VPS35L: variants seen among roughly 807,000 people sequenced by gnomAD.
VPS35L encodes the protein VPS35 endosomal protein sorting factor like, also known as VPS35 endosomal protein-sorting factor-like.
Under a neutral mutation model 133.0 loss-of-function variants are expected in VPS35L, and 83 were observed. The observed-to-expected ratio is 0.62, with a 90% confidence interval of 0.52 to 0.75. The LOEUF (loss-of-function observed/expected upper bound fraction) is 0.75. Among genes scored for constraint, VPS35L ranks in the 30% least tolerant of loss-of-function variants. The pLI is 0.00. For synonymous variants in VPS35L, 423 were observed against 449.9 expected, an observed-to-expected ratio of 0.94 and a Z score of 0.76; for missense variants, 1,083 against 1,206.8, an observed-to-expected ratio of 0.90 and a Z score of 1.52.
intron 29 of VPS35L, among the ~76,000 whole-genome samples, chr16:19,696,329 G>T (rs1049672062): frequency 2.0e-5 from 3 of 152,302 alleles, no homozygotes; most frequent in South Asian, 2.1e-4. Flanking sequence ...CCCACTGAGT[G>T]GGGTGGGCGG....
At chr16:19,629,853 A>C in intron 18 of VPS35L, 33 bp downstream of exon 18, 1 of 1,601,586 alleles carries the variant, frequency 6.2e-7, no homozygotes, top group Non-Finnish European at 8.6e-7. Context: ...TTTTGAAAGA[A>C]TTAGATTTTT....
intron 29 of VPS35L, among the ~76,000 whole-genome samples, chr16:19,697,830 G>C (rs1043647855): frequency 6.6e-6 from 1 of 152,200 alleles, no homozygotes; most frequent in Non-Finnish European, 1.5e-5. Flanking sequence ...CCTGGAGAGG[G>C]CTGTGAGTAC....
intron 27 of VPS35L, among the ~76,000 whole-genome samples, chr16:19,674,955 C>CTTTT (rs566657093): frequency 3.5e-5 from 5 of 142,828 alleles, no homozygotes; most frequent in Admixed American, 7.1e-5. Flanking sequence ...TCTTTTCTTT[C>CTTTT]TTTTTTTTTT....
At chr16:19,572,233 C>T (rs1567390005) in intron 3 of VPS35L, among the ~76,000 whole-genome samples, 4 of 152,130 alleles carry the variant, frequency 2.6e-5, no homozygotes, top group Admixed American at 1.3e-4. Context: ...GCCGGACCAA[C>T]GTGGTGAAAC....
In VPS35L at chr16:19,573,215, T is replaced by G; in HGVS notation, c.382T>G (p.Tyr128Asp). Residue 128 changes from tyrosine (Y) to aspartate (D), a missense_variant, in exon 4 of 31, where the codon TAC becomes GAC. Physicochemically the swap from Tyr to Asp is radical, Grantham distance 160. Transcript: ENST00000417362. ...CAAACGGGGAGAAATCCTTGCCCGG[T>G]ACACCACTACCGAAAAGCTGTCTAT... ...TNKRGEILAR[Y>D]TTTEKLSINL... The G allele has an allele frequency of 6.2e-7, 1 of 1,613,982 alleles. No homozygotes were observed.
chr16:19,694,969 G>C (rs990698817), intron 29 of VPS35L, among the ~76,000 whole-genome samples: 3 of 150,744 alleles, frequency 2.0e-5, no homozygotes, highest in Admixed American at 1.3e-4. Context: ...TCACGCCACT[G>C]CACTCCAGCC....
intron 29 of VPS35L, among the ~76,000 whole-genome samples, chr16:19,692,699 G>A (rs910680581): frequency 3.3e-5 from 5 of 152,072 alleles, no homozygotes; most frequent in Non-Finnish European, 7.4e-5. Context: ...AAGTAGCTGG[G>A]ATTCAGGTGC....
chr16:19,600,127 G>A (rs1181158578), intron 8 of VPS35L, among the ~76,000 whole-genome samples: 2 of 152,122 alleles, frequency 1.3e-5, no homozygotes, highest in Non-Finnish European at 2.9e-5. Flanking sequence ...CTCTTAGCTT[G>A]GCTGGCTTCC....
chr16:19,618,499 G>A (rs920748910), intron 14 of VPS35L, among the ~76,000 whole-genome samples: 1 of 152,164 alleles, frequency 6.6e-6, no homozygotes. Flanking sequence ...ACTGACGTAA[G>A]GGTATTCATG....
chr16:19,651,947 T>C (rs875648), intron 25 of VPS35L, 29 bp from the exon 26 acceptor site: 567,595 of 1,466,074 alleles, frequency 0.39, 117,720 homozygotes, highest in African/African-American at 0.79. Context: ...GTTGCACTGC[T>C]AGCGTTAATG....
At chr16:19,586,370 G>A (rs889960269) in intron 7 of VPS35L, among the ~76,000 whole-genome samples, 24 of 151,806 alleles carry the variant, frequency 1.6e-4, no homozygotes, top group African/African-American at 5.6e-4. Context: ...ACAGAGTTTC[G>A]CTCTCGTTGC....
At chr16:19,635,947 G>T (rs990244306) in intron 19 of VPS35L, among the ~76,000 whole-genome samples, 1 of 152,210 alleles carries the variant, frequency 6.6e-6, no homozygotes, top group African/African-American at 2.4e-5. Context: ...ACTTTGGGAA[G>T]CCAAGATGGG....
intron 7 of VPS35L, chr16:19,581,942 A>G: frequency 2.9e-6 from 1 of 345,866 alleles, no homozygotes. Context: ...TGTGCAGTAC[A>G]TTAACCATGG....
At chr16:19,693,214 A>G (rs1475711718) in intron 29 of VPS35L, among the ~76,000 whole-genome samples, 1 of 152,080 alleles carries the variant, frequency 6.6e-6, no homozygotes, top group African/African-American at 2.4e-5. Flanking sequence ...CAAACCCGTG[A>G]GTATCAGACG....
At chr16:19,601,400 TG>T (rs1972378787) in intron 8 of VPS35L, among the ~76,000 whole-genome samples, 1 of 152,064 alleles carries the variant, frequency 6.6e-6, no homozygotes, top group African/African-American at 2.4e-5. Flanking sequence ...TCTGAGTGGA[TG>T]GAGATACTTG....
At chr16:19,676,669 C>T (rs1975073083) in intron 27 of VPS35L, among the ~76,000 whole-genome samples, 1 of 152,090 alleles carries the variant, frequency 6.6e-6, no homozygotes, top group Non-Finnish European at 1.5e-5. Flanking sequence ...TCCTACTTAT[C>T]CTGGAGAAAA....
At chr16:19,569,239 G>C (rs780786998) in intron 2 of VPS35L, 185 bp from the exon 3 acceptor site, 13 of 751,012 alleles carry the variant, frequency 1.7e-5, no homozygotes, top group Non-Finnish European at 2.8e-5. Flanking sequence ...TCCCTTCCTT[G>C]ACAGTTGTGA....
intron 8 of VPS35L, among the ~76,000 whole-genome samples, chr16:19,597,600 C>T (rs565126653): frequency 6.6e-6 from 1 of 152,136 alleles, no homozygotes; most frequent in Non-Finnish European, 1.5e-5. Flanking sequence ...TATTCAAAAC[C>T]AAACATTCAC....
At chr16:19,646,679 A>G (rs936374071) in intron 23 of VPS35L, among the ~76,000 whole-genome samples, 1 of 151,594 alleles carries the variant, frequency 6.6e-6, no homozygotes, top group African/African-American at 2.4e-5. Context: ...AAAAAAAAAA[A>G]GAAATCACAC....
Sources: allele counts gnomAD v4.1 joint callset (sites outside exome capture counted in the v4.1 genomes callset), GRCh38; gene constraint gnomAD v4.1.1; transcripts MANE v1.5; gene names NCBI Gene and HGNC (gene_info 2026-07-23, HGNC 2026-07-21).